RBFOX3: variants seen among roughly 807,000 people sequenced by gnomAD.
RBFOX3 encodes RNA binding protein fox-1 homolog 3.
A neutral mutation model predicts 48.7 loss-of-function variants in RBFOX3; 17 were observed. The observed-to-expected ratio is 0.35, with a 90% confidence interval of 0.24 to 0.52. The LOEUF (loss-of-function observed/expected upper bound fraction) is 0.52, where lower values mean the gene tolerates loss of function less well. Among genes scored for constraint, RBFOX3 ranks in the 20% least tolerant of loss-of-function variants. The pLI is 0.94. For synonymous variants in RBFOX3, 212 were observed against 209.5 expected (o/e 1.01, Z -0.10); for missense variants, 382 against 497.5 (o/e 0.77, Z 2.21).
chr17:79,563,414 A>C (rs1478960810), intron 1 of RBFOX3, among the ~76,000 whole-genome samples: 1 of 152,212 alleles, frequency 6.6e-6, no homozygotes, highest in Admixed American at 6.5e-5. Context: ...CACTGCCCTC[A>C]GCAGCCCCTT....
intron 5 of RBFOX3, among the ~76,000 whole-genome samples, chr17:79,115,259 C>T (rs374637539): frequency 6.6e-6 from 1 of 152,236 alleles, no homozygotes; most frequent in African/African-American, 2.4e-5. Context: ...CTCCAGATGC[C>T]TGCTCATCAC....
At chr17:79,663,693 T>C in the RBFOX3 span, among the ~76,000 whole-genome samples, 63 of 151,548 alleles carry the variant, frequency 4.2e-4, no homozygotes, top group Admixed American at 7.9e-4. Context: ...CCCCTGACCC[T>C]CAGCCAACAA....
chr17:79,156,543 C>T (rs1010206008), intron 4 of RBFOX3, among the ~76,000 whole-genome samples: 3 of 152,212 alleles, frequency 2.0e-5, no homozygotes, highest in Admixed American at 6.5e-5. Context: ...GCCTAGGGTC[C>T]CCATGGTCAG....
At chr17:79,257,286 C>T (rs1309759392) in intron 3 of RBFOX3, among the ~76,000 whole-genome samples, 3 of 152,216 alleles carry the variant, frequency 2.0e-5, no homozygotes, top group Admixed American at 1.3e-4. Flanking sequence ...CCAGAGACAC[C>T]AGCACAGGGA....
chr17:79,629,714 G>A, the RBFOX3 span, among the ~76,000 whole-genome samples: 1 of 152,284 alleles, frequency 6.6e-6, no homozygotes, highest in South Asian at 2.1e-4. Flanking sequence ...TAGAATATTT[G>A]CACCATTGCT....
chr17:79,204,474 T>C lies in RBFOX3; in HGVS notation c.-34+31292A>G, dbSNP rs946826477. 1.3e-5 allele frequency among the ~76,000 whole-genome samples: 2 copies of C among 152,184 alleles called. No individual in the cohort carries two copies. Among genetic ancestry groups the C allele is most frequent in the Non-Finnish European group, 2.9e-5 (2 of 68,024 alleles). ...GCGTACCAGTCCAGTGAACAGCTCC[T>C]TGAAGCGCACACATACCGACAGCAT... On this transcript the variant is annotated intron_variant, in intron 4 of 14. Coordinates refer to ENST00000693108, the MANE Select transcript of RBFOX3 (RefSeq NM_001350451.2). The surrounding 1 kb of genome is among the most constrained non-coding windows in gnomAD (Gnocchi z 4.5).
chr17:79,559,718 G>C (rs1442539007), intron 1 of RBFOX3, among the ~76,000 whole-genome samples: 3 of 146,792 alleles, frequency 2.0e-5, no homozygotes, highest in African/African-American at 7.6e-5. Flanking sequence ...TGGATGATGG[G>C]TGGTGGATGG....
At chr17:79,284,260 G>A (rs796931279) in intron 3 of RBFOX3, among the ~76,000 whole-genome samples, 2 of 152,322 alleles carry the variant, frequency 1.3e-5, no homozygotes, top group African/African-American at 4.8e-5. Context: ...ATGCAGGGTT[G>A]CTGAAGAGAA....
intron 4 of RBFOX3, among the ~76,000 whole-genome samples, chr17:79,167,628 C>G (rs995728483): frequency 2.0e-5 from 3 of 152,210 alleles, no homozygotes; most frequent in Non-Finnish European, 2.9e-5. Context: ...CACTCACAGC[C>G]CCGGCCGCAG....
intron 4 of RBFOX3, among the ~76,000 whole-genome samples, chr17:79,230,157 C>T (rs1455240069): frequency 1.3e-5 from 2 of 152,220 alleles, no homozygotes; most frequent in African/African-American, 2.4e-5. Flanking sequence ...GTTGGGTTGC[C>T]GTCGGCCTCT....
At chr17:79,539,067 C>T (rs1263017553) in intron 1 of RBFOX3, among the ~76,000 whole-genome samples, 1 of 152,158 alleles carries the variant, frequency 6.6e-6, no homozygotes, top group South Asian at 2.1e-4. Flanking sequence ...AGGACTAATA[C>T]GTGGTCAGGT....
rs1287071520 is a variant in RBFOX3 at position 79,243,639 on chromosome 17, C to T, written c.-73-7834G>A. On this transcript the variant is annotated intron_variant, in intron 3 of 14. Coordinates refer to ENST00000693108, the MANE Select transcript of RBFOX3 (RefSeq NM_001350451.2). This position sits in a 1 kb window ranked among gnomAD's most constrained non-coding sequence, Gnocchi z 7.9. Reference sequence around the variant, plus strand: ...CTGGCTTTGCATGAGCGGAACTTAGCGCACACCTGTGGACTGAACTGAACT... The same window carrying T: ...CTGGCTTTGCATGAGCGGAACTTAGTGCACACCTGTGGACTGAACTGAACT... Among the ~76,000 whole-genome samples, 4 of 152,008 alleles carry T rather than the reference C, an allele frequency of 2.6e-5. No individual in the cohort carries two copies. The highest frequency in any genetic ancestry group is 9.7e-5 in the African/African-American group (4 of 41,376).
chr17:79,594,623 C>T (rs2093518280), intron 1 of RBFOX3, among the ~76,000 whole-genome samples: 1 of 152,242 alleles, frequency 6.6e-6, no homozygotes, highest in African/African-American at 2.4e-5. Flanking sequence ...CAGGACCCAA[C>T]AGCACTCTTC....
chr17:79,223,557 G>A lies in RBFOX3; in HGVS notation c.-34+12209C>T, dbSNP rs112261690. 7.0e-3 allele frequency among the ~76,000 whole-genome samples: 1,064 copies of A among 152,298 alleles called. 8 individuals carry two copies. Among genetic ancestry groups the A allele is most frequent in the Non-Finnish European group, 0.011 (766 of 68,018 alleles). ...GATCCTGGCATGGAAACCCGACCCT[G>A]CACTTGGGCCAGGCTGTGACATTTG... On this transcript the variant is annotated intron_variant, in intron 4 of 14. Transcript: ENST00000693108.
intron 2 of RBFOX3, among the ~76,000 whole-genome samples, chr17:79,460,135 A>G (rs540769955): frequency 6.6e-6 from 1 of 152,234 alleles, no homozygotes; most frequent in Admixed American, 6.5e-5. Flanking sequence ...TGAGTACAGG[A>G]TCTCCTTCTG....
chr17:79,627,364 C>T, the RBFOX3 span, among the ~76,000 whole-genome samples: 4 of 152,208 alleles, frequency 2.6e-5, no homozygotes, highest in African/African-American at 4.8e-5. Flanking sequence ...AACACAGCCT[C>T]CCCGGTGAAG....
intron 3 of RBFOX3, among the ~76,000 whole-genome samples, chr17:79,251,096 C>T (rs1019388535): frequency 1.4e-4 from 21 of 152,112 alleles, no homozygotes; most frequent in Non-Finnish European, 5.9e-5. Flanking sequence ...AGCTGCCGCG[C>T]CCGGCCTATC....
intron 1 of RBFOX3, among the ~76,000 whole-genome samples, chr17:79,544,972 G>A (rs2090202891): frequency 7.8e-6 from 1 of 128,230 alleles, no homozygotes; most frequent in Non-Finnish European, 1.6e-5. Flanking sequence ...ACATCATTAA[G>A]GGCAAAAAAA....
chr17:79,462,095 A>G (rs1435573351), intron 2 of RBFOX3, among the ~76,000 whole-genome samples: 2 of 152,166 alleles, frequency 1.3e-5, no homozygotes, highest in African/African-American at 4.8e-5. Context: ...CAATTTATGG[A>G]TGTGTTCAGT....
Sources: allele counts gnomAD v4.1 joint callset (sites outside exome capture counted in the v4.1 genomes callset), GRCh38; gene constraint gnomAD v4.1.1; non-coding constraint Gnocchi (gnomAD v3.1); transcripts MANE v1.5; gene names NCBI Gene and HGNC (gene_info 2026-07-23, HGNC 2026-07-21).